NSG2: variants seen among roughly 807,000 people sequenced by gnomAD.
The protein encoded by NSG2 is neuronal vesicle trafficking-associated protein 2.
Under a neutral mutation model 16.9 loss-of-function variants are expected in NSG2, and 4 were observed. That is an observed-to-expected ratio of 0.24 (90% CI 0.12 to 0.54). The LOEUF is 0.54. NSG2 is among the 20% of genes least tolerant of loss of function. The pLI, the probability that NSG2 is intolerant of heterozygous loss-of-function variation, is 0.95. For missense variants in NSG2, 179 were observed against 221.1 expected (o/e 0.81, Z 1.21); for synonymous variants, 98 against 88.7 (o/e 1.11, Z -0.59).
intron 3 of NSG2, chr5:174,086,613 A>G (rs1035872024): frequency 2.0e-5 from 3 of 152,210 alleles, no homozygotes; most frequent in Non-Finnish European, 2.9e-5. Flanking sequence ...TTTCCTCTCA[A>G]CAGGTCGGTG....
intron 3 of NSG2, among the ~76,000 whole-genome samples, chr5:174,103,713 G>A (rs1222566344): frequency 6.6e-6 from 1 of 152,154 alleles, no homozygotes; most frequent in East Asian, 1.9e-4. Flanking sequence ...TTGAGAGGCC[G>A]AAGCAGGTGG....
intron 3 of NSG2, among the ~76,000 whole-genome samples, chr5:174,077,782 G>T (rs1293628367): frequency 6.6e-6 from 1 of 152,134 alleles, no homozygotes; most frequent in African/African-American, 2.4e-5. Flanking sequence ...GGCTCTTGCG[G>T]ACAGAAACTG....
chr5:174,105,101 A>G (rs939084150), intron 4 of NSG2, among the ~76,000 whole-genome samples: 4 of 152,254 alleles, frequency 2.6e-5, no homozygotes, highest in African/African-American at 9.6e-5. Context: ...CTTAAACATT[A>G]TCTCAATTGA....
intron 3 of NSG2, among the ~76,000 whole-genome samples, chr5:174,078,950 C>T (rs1760396616): frequency 6.6e-6 from 1 of 152,194 alleles, no homozygotes; most frequent in African/African-American, 2.4e-5. Context: ...CACACGCACA[C>T]ACACACATGC....
chr5:174,104,183 G>T (rs749674960), intron 3 of NSG2, 45 bp from the exon 4 acceptor site: 4 of 1,401,624 alleles, frequency 2.9e-6, no homozygotes, highest in South Asian at 1.2e-5. Flanking sequence ...GGGGACTGAA[G>T]GTGGGCAGAC....
chr5:174,088,493 A>T (rs1412509979), intron 3 of NSG2, among the ~76,000 whole-genome samples: 1 of 152,204 alleles, frequency 6.6e-6, no homozygotes, highest in Non-Finnish European at 1.5e-5. Context: ...CTATTCTCAG[A>T]TATGTGCATG....
intron 3 of NSG2, among the ~76,000 whole-genome samples, chr5:174,068,670 A>G (rs28634181): frequency 1.3e-4 from 12 of 91,224 alleles, no homozygotes; most frequent in South Asian, 3.5e-4. Context: ...CTGGTGTCAT[A>G]GTGATTCTGG....
intron 3 of NSG2, among the ~76,000 whole-genome samples, chr5:174,095,443 TG>T (rs918118089): frequency 3.0e-4 from 45 of 152,084 alleles, no homozygotes; most frequent in African/African-American, 9.2e-4. Flanking sequence ...TGAGCGCAGG[TG>T]TTCCCAGGCT....
chr5:174,064,773 G>A (rs1237682271), intron 3 of NSG2, among the ~76,000 whole-genome samples: 2 of 152,174 alleles, frequency 1.3e-5, no homozygotes, highest in South Asian at 4.1e-4. Flanking sequence ...GAGGGGCCGC[G>A]AGGAGCACTG....
chr5:174,070,647 T>A (rs1760222782), intron 3 of NSG2, among the ~76,000 whole-genome samples: 1 of 152,070 alleles, frequency 6.6e-6, no homozygotes, highest in Non-Finnish European at 1.5e-5. Flanking sequence ...GTGGATCAGA[T>A]GAGAAACATT....
chr5:174,099,226 G>A (rs1253905326), intron 3 of NSG2, among the ~76,000 whole-genome samples: 1 of 152,160 alleles, frequency 6.6e-6, no homozygotes. Flanking sequence ...AACCAAACCA[G>A]GACTCTCCAG....
At chr5:174,080,796 C>T (rs1027476671) in intron 3 of NSG2, among the ~76,000 whole-genome samples, 1 of 152,096 alleles carries the variant, frequency 6.6e-6, no homozygotes, top group African/African-American at 2.4e-5. Context: ...TTCCTGATCT[C>T]AGGTGATCCG....
At chr5:174,053,871 T>C (rs1759928887) in intron 2 of NSG2, among the ~76,000 whole-genome samples, 1 of 152,190 alleles carries the variant, frequency 6.6e-6, no homozygotes, top group South Asian at 2.1e-4. Flanking sequence ...TGATGCAGTG[T>C]TTTTCAGAGG....
At chr5:174,092,704 C>T (rs1323427533) in intron 3 of NSG2, among the ~76,000 whole-genome samples, 1 of 152,148 alleles carries the variant, frequency 6.6e-6, no homozygotes, top group East Asian at 1.9e-4. Context: ...TTGCTTGTAC[C>T]TCATGATAGT....
intron 3 of NSG2, among the ~76,000 whole-genome samples, chr5:174,067,201 T>A (rs936454236): frequency 3.9e-5 from 6 of 152,012 alleles, no homozygotes; most frequent in South Asian, 2.1e-4. Context: ...GGCTATATAT[T>A]TTTTTTGTCT....
intron 2 of NSG2, among the ~76,000 whole-genome samples, chr5:174,053,552 T>C (rs564364534): frequency 9.9e-5 from 15 of 152,214 alleles, no homozygotes; most frequent in African/African-American, 3.6e-4. Context: ...AAACATAGGC[T>C]TTCCCCAGGG....
chr5:174,078,959 G>A (rs1760397822), intron 3 of NSG2, among the ~76,000 whole-genome samples: 2 of 152,118 alleles, frequency 1.3e-5, no homozygotes, highest in African/African-American at 2.4e-5. Context: ...ACACACACAT[G>A]CACACGCACA....
In NSG2 at chr5:174,064,331, G is replaced by T. The variant is rs1185549812; in HGVS notation, c.213+16G>T. On this transcript the variant is annotated intron_variant, in intron 3 of 4. Transcript: ENST00000303177. ...TGAATTTACGGTCAGTTTCTTGATG[G>T]TGTAATAGAAAGAGTAAAGGAGAGG... is the stretch of plus-strand genomic sequence containing the variant. 6.3e-7 allele frequency: 1 copy of T among 1,598,004 alleles called. No individual in the cohort carries two copies. The highest frequency in any genetic ancestry group is 1.3e-5 in the African/African-American group (1 of 74,680).
chr5:174,076,560 A>C (rs541726276), intron 3 of NSG2, among the ~76,000 whole-genome samples: 3 of 152,168 alleles, frequency 2.0e-5, no homozygotes, highest in Non-Finnish European at 4.4e-5. Context: ...AAGAAAAAAA[A>C]ATTTCTAATT....
Sources: allele counts gnomAD v4.1 joint callset (sites outside exome capture counted in the v4.1 genomes callset), GRCh38; gene constraint gnomAD v4.1.1; transcripts MANE v1.5; gene names NCBI Gene and HGNC (gene_info 2026-07-23, HGNC 2026-07-21).